Variants in B4GALNT3 observed in about 807,000 individuals in gnomAD.
B4GALNT3 encodes the protein beta-1,4-N-acetyl-galactosaminyltransferase 3, also known as beta-1,4-N-acetylgalactosaminyltransferase 3.
In B4GALNT3, 86 loss-of-function variants were observed where a neutral mutation model predicts 120.2. That is an observed-to-expected ratio of 0.72 (90% CI 0.60 to 0.86). B4GALNT3 has a LOEUF of 0.86. Among genes scored for constraint, B4GALNT3 ranks in the 40% least tolerant of loss-of-function variants. The pLI, the probability that B4GALNT3 is intolerant of heterozygous loss-of-function variation, is 0.00. For missense variants in B4GALNT3, 1,167 were observed against 1,298.9 expected, an observed-to-expected ratio of 0.90 and a Z score of 1.56; for synonymous variants, 518 against 510.4, an observed-to-expected ratio of 1.01 and a Z score of -0.20.
At chr12:530,145 C>G (rs1298764689) in intron 1 of B4GALNT3, among the ~76,000 whole-genome samples, 1 of 152,228 alleles carries the variant, frequency 6.6e-6, no homozygotes, top group African/African-American at 2.4e-5. Context: ...GCAATACATC[C>G]TGCCGTGTAC....
chr12:479,672 T>A (rs1216400173), intron 1 of B4GALNT3, among the ~76,000 whole-genome samples: 1 of 151,548 alleles, frequency 6.6e-6, no homozygotes, highest in East Asian at 1.9e-4. Flanking sequence ...ACAGGGAGAG[T>A]TACTGGTGAA....
intron 1 of B4GALNT3, among the ~76,000 whole-genome samples, chr12:509,076 A>G (rs1044415294): frequency 6.6e-6 from 1 of 152,194 alleles, no homozygotes; most frequent in African/African-American, 2.4e-5. Context: ...CTCAGACAAC[A>G]CTGCTTTCCC....
chr12:508,598 T>TCCGA (rs1946519197), intron 1 of B4GALNT3, among the ~76,000 whole-genome samples: 1 of 152,202 alleles, frequency 6.6e-6, no homozygotes, highest in African/African-American at 2.4e-5. Flanking sequence ...GGGCACAGCC[T>TCCGA]CCGATCGGCC....
intron 1 of B4GALNT3, among the ~76,000 whole-genome samples, chr12:511,321 GCCTTCCA>G (rs1217685000): frequency 1.9e-4 from 3 of 15,394 alleles, no homozygotes; most frequent in East Asian, 3.5e-3. Context: ...TCCGCCTTCT[GCCTTCCA>G]CCTTCCACCT....
intron 6 of B4GALNT3, among the ~76,000 whole-genome samples, chr12:546,222 G>GAGA (rs1947005885): frequency 8.6e-6 from 1 of 116,626 alleles, no homozygotes; most frequent in Non-Finnish European, 1.9e-5. Context: ...AGGGGGGTGT[G>GAGA]GGAGGAGGGG....
Position 540,154 on chromosome 12 carries a change from TGGGCTTCCGAGTGCTCCTGGAGG to T in B4GALNT3, c.351+3860_351+3882del, listed in dbSNP as rs1369440406. Among the ~76,000 whole-genome samples, 4 of 152,244 alleles carry T rather than the reference TGGGCTTCCGAGTGCTCCTGGAGG, an allele frequency of 2.6e-5. 1 individual carries two copies. Among genetic ancestry groups the T allele is most frequent in the African/African-American group, 9.6e-5 (4 of 41,458 alleles). On this transcript the variant is annotated intron_variant, in intron 3 of 19. Transcript: ENST00000266383. The stretch of plus-strand genomic sequence containing the variant: ...GCCAGTCAGCACTCATGTCCTGCGA[TGGGCTTCCGAGTGCTCCTGGAGG>T]AGGCTGACGGTGCCTGCCTTCGTGC...
At chr12:474,558 G>C (rs1341696722) in intron 1 of B4GALNT3, among the ~76,000 whole-genome samples, 1 of 152,126 alleles carries the variant, frequency 6.6e-6, no homozygotes. Context: ...GGTGGCTCAT[G>C]CCTGCAATCC....
intron 1 of B4GALNT3, among the ~76,000 whole-genome samples, chr12:470,544 G>A (rs547442946): frequency 2.0e-5 from 3 of 152,312 alleles, no homozygotes; most frequent in Admixed American, 6.5e-5. Flanking sequence ...TCTCTGTCCC[G>A]GGTCTCCTTT....
At chr12:561,291 C>G in intron 19 of B4GALNT3, 52 bp from the exon 20 acceptor site, 1 of 1,477,360 alleles carries the variant, frequency 6.8e-7, no homozygotes, top group Non-Finnish European at 9.4e-7. Flanking sequence ...GGAGGGGCCC[C>G]CCAGCTGCCT....
In B4GALNT3 at chr12:550,899, T is replaced by C. The variant is rs12423166; in HGVS notation, c.998-23T>C. On this transcript the variant is annotated intron_variant, in intron 10 of 19. Transcript: ENST00000266383. The surrounding 1 kb of genome is among the most constrained non-coding windows in gnomAD (Gnocchi z 4.1). Reference sequence around the variant, plus strand: ...GTTTCGTGCTCACCCTCACCCTCACTCCTCCTCCTCCACTGTCCTCAGTGC... The same window carrying C: ...GTTTCGTGCTCACCCTCACCCTCACCCCTCCTCCTCCACTGTCCTCAGTGC... 0.13 allele frequency: 206,500 copies of C among 1,561,132 alleles called. 17,001 individuals carry two copies. Among genetic ancestry groups the C allele is most frequent in the Admixed American group, 0.34 (20,152 of 59,692 alleles).
At chr12:555,749 A>G (rs1947144110) in intron 14 of B4GALNT3, among the ~76,000 whole-genome samples, 1 of 152,098 alleles carries the variant, frequency 6.6e-6, no homozygotes, top group Admixed American at 6.5e-5. Context: ...AACACTTGTT[A>G]CTTTTCATTT....
intron 1 of B4GALNT3, among the ~76,000 whole-genome samples, chr12:481,338 C>G (rs1195436218): frequency 6.6e-6 from 1 of 152,230 alleles, no homozygotes; most frequent in Non-Finnish European, 1.5e-5. Flanking sequence ...ACATCAAGCT[C>G]TCAGTGAAGG....
intron 1 of B4GALNT3, among the ~76,000 whole-genome samples, chr12:496,030 G>A (rs1946384486): frequency 2.6e-5 from 4 of 151,956 alleles, no homozygotes; most frequent in Admixed American, 2.6e-4. Context: ...TTTCTTGAGG[G>A]GTACATAAAA....
intron 1 of B4GALNT3, among the ~76,000 whole-genome samples, chr12:516,652 C>T (rs1049851021): frequency 6.6e-6 from 1 of 152,116 alleles, no homozygotes; most frequent in African/African-American, 2.4e-5. Context: ...GGTCTTTCCC[C>T]AATAAACGTT....
intron 14 of B4GALNT3, chr12:555,207 A>G (rs1947138146): frequency 6.1e-6 from 2 of 329,270 alleles, no homozygotes; most frequent in Admixed American, 8.7e-5. Flanking sequence ...GAAAAAAAAA[A>G]AGAAACCGTA....
At chr12:560,409 C>T (rs987928980) in intron 19 of B4GALNT3, among the ~76,000 whole-genome samples, 1 of 152,198 alleles carries the variant, frequency 6.6e-6, no homozygotes, top group South Asian at 2.1e-4. Flanking sequence ...GTGAGGTCGG[C>T]ATCATGATCT....
chr12:499,603 G>T (rs974479014), intron 1 of B4GALNT3, among the ~76,000 whole-genome samples: 4 of 136,806 alleles, frequency 2.9e-5, no homozygotes, highest in Non-Finnish European at 3.0e-5. Context: ...CTCCTAGCCC[G>T]TGGAGCCCGT....
chr12:489,737 A>C (rs1428491166), intron 1 of B4GALNT3, among the ~76,000 whole-genome samples: 1 of 152,214 alleles, frequency 6.6e-6, no homozygotes, highest in Admixed American at 6.5e-5. Context: ...ACATAATTGA[A>C]CTTAACAGCA....
Position 550,432 on chromosome 12 carries a change from T to G in B4GALNT3, c.998-490T>G, listed in dbSNP as rs577220934. On this transcript the variant is annotated intron_variant, in intron 10 of 19. Coordinates refer to ENST00000266383, the MANE Select transcript of B4GALNT3 (RefSeq NM_173593.4). This position sits in a 1 kb window ranked among gnomAD's most constrained non-coding sequence, Gnocchi z 4.1. The stretch of plus-strand genomic sequence containing the variant: ...TGAGCCCAGGAGGTTGAGGCTGCAG[T>G]GAGCTGTGATTGAACCACTGCACTC... 6.6e-6 allele frequency among the ~76,000 whole-genome samples: 1 copy of G among 152,172 alleles called. No homozygotes were observed. Among genetic ancestry groups the G allele is most frequent in the African/African-American group, 2.4e-5 (1 of 41,508 alleles).
Sources: gnomAD v4.1 joint callset for allele counts (sites outside exome capture counted in the v4.1 genomes callset) on GRCh38, gnomAD v4.1.1 for gene constraint, Gnocchi (gnomAD v3.1) non-coding constraint, MANE v1.5 for transcripts, NCBI Gene and HGNC (gene_info 2026-07-23, HGNC 2026-07-21) for gene names.